Variants in PCDHA4 observed in about 807,000 individuals in gnomAD.
The protein encoded by PCDHA4 is protocadherin alpha-4.
A neutral mutation model predicts 61.4 loss-of-function variants in PCDHA4; 49 were observed. The ratio of observed to expected loss-of-function variants is 0.80; its 90% CI spans 0.63 to 1.01. The LOEUF (loss-of-function observed/expected upper bound fraction) is 1.01, where lower values mean the gene tolerates loss of function less well. Ranked by LOEUF, PCDHA4 falls within the 50% of genes least tolerant of loss-of-function variation. The probability of loss-of-function intolerance (pLI) is 0.00; values close to 1 mark genes in which losing one functional copy is unlikely to be tolerated. For synonymous variants in PCDHA4, 590 were observed against 550.3 expected (o/e 1.07, Z -1.01); for missense variants, 1,254 against 1,235.8 (o/e 1.01, Z -0.22).
intron 1 of PCDHA4, among the ~76,000 whole-genome samples, chr5:140,946,207 A>G (rs1435472095): frequency 2.0e-5 from 3 of 152,068 alleles, no homozygotes; most frequent in Non-Finnish European, 4.4e-5. Flanking sequence ...AAAGCACACA[A>G]ATGACCAACA....
chr5:140,925,124 A>AGGAAGGAAGG (rs1554202565), intron 1 of PCDHA4, among the ~76,000 whole-genome samples: 1 of 151,854 alleles, frequency 6.6e-6, no homozygotes. Flanking sequence ...GAAGGAAGGA[A>AGGAAGGAAGG]AAAAAATTTC....
At chr5:140,817,430 G>A (rs1172581064) in intron 1 of PCDHA4, 2 of 152,156 alleles carry the variant, frequency 1.3e-5, no homozygotes, top group Non-Finnish European at 2.9e-5. Context: ...CCTGTGGAGG[G>A]TCTGGGGATT....
chr5:140,876,012 T>C (rs2056048598), intron 1 of PCDHA4: 1 of 1,613,604 alleles, frequency 6.2e-7, no homozygotes, highest in Non-Finnish European at 8.5e-7. Flanking sequence ...ATTTTGAGCT[T>C]AAAATAAAAA....
chr5:140,883,508 G>A (rs939760233), intron 1 of PCDHA4: 1 of 1,614,202 alleles, frequency 6.2e-7, no homozygotes, highest in East Asian at 2.2e-5. Flanking sequence ...CAGCGCCCTG[G>A]ACCGCGAGAG....
intron 1 of PCDHA4, among the ~76,000 whole-genome samples, chr5:140,943,553 CAAT>C (rs1554215748): frequency 6.6e-6 from 1 of 152,026 alleles, no homozygotes; most frequent in East Asian, 1.9e-4. Context: ...TAGACGTAGA[CAAT>C]AATCATTTTA....
intron 1 of PCDHA4, chr5:140,829,803 G>A: frequency 6.2e-7 from 1 of 1,613,884 alleles, no homozygotes; most frequent in Non-Finnish European, 8.5e-7. Flanking sequence ...CCTCGGGTGG[G>A]TGGTACTGGT....
At chr5:140,887,612 G>A (rs2061514716) in intron 1 of PCDHA4, among the ~76,000 whole-genome samples, 1 of 151,760 alleles carries the variant, frequency 6.6e-6, no homozygotes, top group East Asian at 1.9e-4. Flanking sequence ...GCTTTAGTAT[G>A]GTTTTCTTTA....
At chr5:140,928,671 T>C in intron 1 of PCDHA4, 7 of 1,614,214 alleles carry the variant, frequency 4.3e-6, no homozygotes, top group Non-Finnish European at 5.9e-6. Context: ...GTGGTTCTAA[T>C]GCCTGGCTTT....
chr5:141,006,350 T>G (rs1254086807), intron 3 of PCDHA4, among the ~76,000 whole-genome samples: 2 of 152,086 alleles, frequency 1.3e-5, no homozygotes, highest in Non-Finnish European at 2.9e-5. Flanking sequence ...TAGCTGGGAC[T>G]ATAGGCGCCC....
intron 3 of PCDHA4, among the ~76,000 whole-genome samples, chr5:141,005,862 G>A (rs376850991): frequency 6.6e-6 from 1 of 152,012 alleles, no homozygotes; most frequent in Non-Finnish European, 1.5e-5. Flanking sequence ...CAGGAGGGTC[G>A]ATTGAGTCCA....
At chr5:140,909,851 G>A (rs555110598) in intron 1 of PCDHA4, among the ~76,000 whole-genome samples, 17 of 152,228 alleles carry the variant, frequency 1.1e-4, no homozygotes, top group East Asian at 3.9e-4. Flanking sequence ...GGACGTTTTC[G>A]GTCCCCTGGA....
At chr5:140,937,954 G>A (rs1209058625) in intron 1 of PCDHA4, among the ~76,000 whole-genome samples, 2 of 151,226 alleles carry the variant, frequency 1.3e-5, no homozygotes, top group Non-Finnish European at 2.9e-5. Context: ...GGCTTTTGTT[G>A]AAAGTATATA....
At chr5:140,824,875 A>C (rs1229928755) in intron 1 of PCDHA4, 16 of 152,018 alleles carry the variant, frequency 1.1e-4, no homozygotes, top group African/African-American at 3.9e-4. Flanking sequence ...TTTTTGCAGC[A>C]TATGGTTTAT....
intron 2 of PCDHA4, among the ~76,000 whole-genome samples, chr5:140,981,680 C>T (rs1238332235): frequency 6.6e-6 from 1 of 151,746 alleles, no homozygotes; most frequent in Non-Finnish European, 1.5e-5. Flanking sequence ...CTTCCTTCCT[C>T]CCTTCCATCA....
At chr5:140,908,844 C>T (rs533219921) in intron 1 of PCDHA4, among the ~76,000 whole-genome samples, 2 of 152,272 alleles carry the variant, frequency 1.3e-5, no homozygotes, top group African/African-American at 4.8e-5. Context: ...GCTGGAGTAA[C>T]ATACCCAAAT....
At chr5:140,835,399 A>T (rs1562344982) in intron 1 of PCDHA4, 1 of 1,613,824 alleles carries the variant, frequency 6.2e-7, no homozygotes, top group Non-Finnish European at 8.5e-7. Context: ...GTTCTTGTGG[A>T]AGTTGTGGAT....
chr5:141,003,740 C>T (rs1490080996), intron 3 of PCDHA4, among the ~76,000 whole-genome samples: 1 of 152,146 alleles, frequency 6.6e-6, no homozygotes, highest in African/African-American at 2.4e-5. Flanking sequence ...AAAGCAAAAC[C>T]ATATTTTGTA....
At chr5:140,829,954 G>C in intron 1 of PCDHA4, 1 of 1,613,992 alleles carries the variant, frequency 6.2e-7, no homozygotes, top group South Asian at 1.1e-5. Flanking sequence ...CTCGCTTCCC[G>C]TTTCGCGTGG....
At chr5:140,858,769 A>T in intron 1 of PCDHA4, 1 of 441,686 alleles carries the variant, frequency 2.3e-6, no homozygotes, top group Non-Finnish European at 4.1e-6. Flanking sequence ...TATTTGTGAG[A>T]TTAGTACTTC....
Sources: allele counts gnomAD v4.1 joint callset (sites outside exome capture counted in the v4.1 genomes callset), GRCh38; gene constraint gnomAD v4.1.1; transcripts MANE v1.5; gene names NCBI Gene and HGNC (gene_info 2026-07-23, HGNC 2026-07-21).